Variants in STXBP5L observed in about 807,000 individuals in gnomAD.
STXBP5L encodes the protein syntaxin-binding protein 5-like.
STXBP5L carries 65 observed loss-of-function variants against 144.5 expected under a neutral mutation model. The ratio of observed to expected loss-of-function variants is 0.45; its 90% confidence interval spans 0.37 to 0.55. STXBP5L has a LOEUF of 0.55. Ranked by LOEUF, STXBP5L falls within the 20% of genes least tolerant of loss-of-function variation. STXBP5L has a pLI of 0.00. For synonymous variants in STXBP5L, 505 were observed against 469.6 expected (o/e 1.08, Z -0.97); for missense variants, 1,298 against 1,405.5 (o/e 0.92, Z 1.22).
intron 9 of STXBP5L, among the ~76,000 whole-genome samples, chr3:121,188,671 C>T (rs112949284): frequency 0.12 from 18,248 of 152,126 alleles, 1,146 homozygotes; most frequent in Non-Finnish European, 0.14. Context: ...AATCAATAAA[C>T]GTAATCCAGC....
intron 5 of STXBP5L, among the ~76,000 whole-genome samples, chr3:121,087,643 T>C (rs531649465): frequency 1.3e-5 from 2 of 152,182 alleles, no homozygotes; most frequent in East Asian, 3.9e-4. Flanking sequence ...CTATATATTT[T>C]AATTAATGTT....
At position 121,384,364 on chromosome 3, in the gene STXBP5L, G is replaced by A. The variant is rs930128199; in HGVS notation, c.2587+2832G>A. On this transcript the variant is annotated intron_variant, in intron 22 of 26. Transcript: ENST00000471454. Reference sequence around the variant, plus strand: ...TTGGGAGGAAGTGTACAGTACTGGCGTTTAAGAGTAATTCAGAGGCTGGGC... The same window carrying A: ...TTGGGAGGAAGTGTACAGTACTGGCATTTAAGAGTAATTCAGAGGCTGGGC... Among the ~76,000 whole-genome samples, 8 of 152,058 alleles carry A rather than the reference G, an allele frequency of 5.3e-5. No homozygotes were observed. The South Asian group carries it at 8.3e-4, about 16-fold the overall frequency.
At chr3:121,077,486 C>T (rs2042069103) in intron 5 of STXBP5L, among the ~76,000 whole-genome samples, 1 of 152,112 alleles carries the variant, frequency 6.6e-6, no homozygotes, top group Non-Finnish European at 1.5e-5. Flanking sequence ...GTGAGTGTTA[C>T]AGCTCATAAA....
intron 11 of STXBP5L, among the ~76,000 whole-genome samples, chr3:121,233,339 T>C (rs2049366503): frequency 6.6e-6 from 1 of 152,200 alleles, no homozygotes; most frequent in African/African-American, 2.4e-5. Context: ...ATTCACTGTC[T>C]TCACATAATC....
At position 121,374,361 on chromosome 3, in the gene STXBP5L, G is replaced by A. The variant is rs116304933; in HGVS notation, c.2177-4355G>A. On this transcript the variant is annotated intron_variant, in intron 20 of 26. Transcript: ENST00000471454. ...ATTGGGAAAAGTGACAGTTATACCAGCTGTGGAAATATCAATGTAAGGACA... is the reference window on the plus strand; with the variant it reads ...ATTGGGAAAAGTGACAGTTATACCAACTGTGGAAATATCAATGTAAGGACA... Among the ~76,000 whole-genome samples the A allele has an allele frequency of 4.8e-3, 732 of 152,170 alleles. 10 individuals carry two copies. Among genetic ancestry groups the A allele is most frequent in the African/African-American group, 0.016 (675 of 41,494 alleles).
chr3:120,929,012 A>G (rs1349453591), intron 2 of STXBP5L, among the ~76,000 whole-genome samples: 1 of 152,148 alleles, frequency 6.6e-6, no homozygotes, highest in Non-Finnish European at 1.5e-5. Context: ...TGGTGAAAAA[A>G]GGGTAAGCTT....
At chr3:120,912,702 G>C (rs773925404) in intron 2 of STXBP5L, among the ~76,000 whole-genome samples, 5 of 151,512 alleles carry the variant, frequency 3.3e-5, no homozygotes, top group Non-Finnish European at 7.4e-5. Flanking sequence ...GCATTGTCCA[G>C]GTATTTGTGA....
chr3:121,412,744 A>AG (rs1560068192), intron 23 of STXBP5L, among the ~76,000 whole-genome samples: 1 of 148,568 alleles, frequency 6.7e-6, no homozygotes, highest in Non-Finnish European at 1.5e-5. Flanking sequence ...AAAAAAAAAA[A>AG]AAAAACAAAA....
chr3:121,096,160 G>A (rs895469411), intron 5 of STXBP5L, among the ~76,000 whole-genome samples: 2 of 152,152 alleles, frequency 1.3e-5, no homozygotes, highest in Non-Finnish European at 2.9e-5. Context: ...ACCTCAGTTG[G>A]AAGTGCAGAA....
chr3:121,125,526 A>G (rs903938418), intron 7 of STXBP5L, among the ~76,000 whole-genome samples: 4 of 152,016 alleles, frequency 2.6e-5, no homozygotes, highest in Admixed American at 2.0e-4. Flanking sequence ...CTTTCCCCCA[A>G]TATATCATTT....
intron 7 of STXBP5L, among the ~76,000 whole-genome samples, chr3:121,133,295 A>T (rs551999947): frequency 6.6e-6 from 1 of 152,330 alleles, no homozygotes; most frequent in African/African-American, 2.4e-5. Flanking sequence ...AACACCAAAT[A>T]AAATGAACCC....
At chr3:121,256,707 A>G (rs2050216976) in intron 16 of STXBP5L, among the ~76,000 whole-genome samples, 1 of 152,022 alleles carries the variant, frequency 6.6e-6, no homozygotes, top group South Asian at 2.1e-4. Context: ...ACACACAAAC[A>G]TACACACTAC....
At position 121,390,604 on chromosome 3, in the gene STXBP5L, A is replaced by G. The variant is rs141382190; in HGVS notation, c.2587+9072A>G. 9.2e-4 allele frequency among the ~76,000 whole-genome samples: 140 copies of G among 152,260 alleles called. 1 individual carries two copies. Among genetic ancestry groups the G allele is most frequent in the African/African-American group, 3.2e-3 (131 of 41,548 alleles). ...CCTGGTGGTGACAAAATCTCTCAGTATTTGCTTATCTGTAAAGGATTTTAT... is the reference window on the plus strand; with the variant it reads ...CCTGGTGGTGACAAAATCTCTCAGTGTTTGCTTATCTGTAAAGGATTTTAT... On this transcript the variant is annotated intron_variant, in intron 22 of 26. Coordinates refer to ENST00000471454, the MANE Select transcript of STXBP5L (RefSeq NM_001308330.2).
intron 3 of STXBP5L, among the ~76,000 whole-genome samples, chr3:121,001,562 T>C (rs1943779515): frequency 6.6e-6 from 1 of 152,170 alleles, no homozygotes; most frequent in South Asian, 2.1e-4. Context: ...CTGTCTCTGC[T>C]AACTCCCAAG....
intron 5 of STXBP5L, among the ~76,000 whole-genome samples, chr3:121,077,829 T>C (rs1441082813): frequency 2.6e-5 from 4 of 151,942 alleles, no homozygotes; most frequent in African/African-American, 4.8e-5. Context: ...AGAGTGTCGA[T>C]TGGTGCATTC....
At chr3:121,101,323 C>T (rs9873688) in intron 5 of STXBP5L, among the ~76,000 whole-genome samples, 33,352 of 151,934 alleles carry the variant, frequency 0.22, 3,949 homozygotes, top group Admixed American at 0.31. Flanking sequence ...CCCCAATGAA[C>T]GTAGATGCAA....
At chr3:121,240,419 C>A in intron 13 of STXBP5L, 21 bp from the exon 14 acceptor site, 1 of 1,608,280 alleles carries the variant, frequency 6.2e-7, no homozygotes, top group Non-Finnish European at 8.5e-7. Flanking sequence ...TATATATATT[C>A]TTTCTGGATA....
chr3:121,389,484 C>T (rs189406673), intron 22 of STXBP5L, among the ~76,000 whole-genome samples: 187 of 152,210 alleles, frequency 1.2e-3, no homozygotes, highest in South Asian at 4.4e-3. Flanking sequence ...GTTAGGGTGT[C>T]GATTTTAGAT....
intron 3 of STXBP5L, among the ~76,000 whole-genome samples, chr3:120,971,381 C>A (rs891299556): frequency 2.0e-5 from 3 of 151,316 alleles, no homozygotes; most frequent in Admixed American, 6.6e-5. Flanking sequence ...GCACCCCCCC[C>A]AACTCCTTAA....
Sources: gnomAD v4.1 joint callset for allele counts (sites outside exome capture counted in the v4.1 genomes callset) on GRCh38, gnomAD v4.1.1 for gene constraint, MANE v1.5 for transcripts, NCBI Gene and HGNC (gene_info 2026-07-23, HGNC 2026-07-21) for gene names.